PRR14L: variants seen among roughly 807,000 people sequenced by gnomAD.
PRR14L encodes the protein protein PRR14L.
A neutral mutation model predicts 155.0 loss-of-function variants in PRR14L; 80 were observed. That is an observed-to-expected ratio of 0.52 (90% CI 0.43 to 0.62). The LOEUF (loss-of-function observed/expected upper bound fraction) is 0.62, where lower values mean the gene tolerates loss of function less well. PRR14L is among the 20% of genes least tolerant of loss of function. The pLI, the probability that PRR14L is intolerant of heterozygous loss-of-function variation, is 0.00. For synonymous variants in PRR14L, 883 were observed against 916.0 expected (o/e 0.96, Z 0.65); for missense variants, 2,469 against 2,548.0 (o/e 0.97, Z 0.67).
chr22:31,698,057 A>ATTT (rs747410499), intron 7 of PRR14L, among the ~76,000 whole-genome samples: 1 of 99,998 alleles, frequency 1.0e-5, no homozygotes, highest in Non-Finnish European at 2.3e-5. Flanking sequence ...AGATGTTGTA[A>ATTT]TTCTTTTTTT....
At chr22:31,719,084 GAACAA>G (rs201421603) in intron 3 of PRR14L, among the ~76,000 whole-genome samples, 86 of 151,296 alleles carry the variant, frequency 5.7e-4, no homozygotes, top group Middle Eastern at 3.4e-3. Flanking sequence ...AAAAAACAAA[GAACAA>G]AACAAAACAA....
At chr22:31,702,211 C>CTTG (rs200532868) in intron 6 of PRR14L, among the ~76,000 whole-genome samples, 1 of 132,328 alleles carries the variant, frequency 7.6e-6, no homozygotes, top group Non-Finnish European at 1.6e-5. Context: ...CACTTCTATT[C>CTTG]CTGCTTTTTT....
chr22:31,731,889 C>T (rs1033808327), intron 2 of PRR14L, among the ~76,000 whole-genome samples: 1 of 152,114 alleles, frequency 6.6e-6, no homozygotes, highest in Non-Finnish European at 1.5e-5. Context: ...TTTTGTTATT[C>T]ATTTGTAATA....
chr22:31,715,141 C>A lies in PRR14L; in HGVS notation c.2698G>T (p.Glu900Ter). The change falls in exon 4 of 9, where the codon GAG becomes TAG. Residue 900 changes from glutamate to a stop codon, truncating the protein, a stop_gained. Transcript: ENST00000327423. LOFTEE classifies it high-confidence loss of function. ...IHTSSSIKLS[E>*]EGLEGKEQDV... ...TGCTCCTTTCCTTCCAGCCCTTCCT[C>A]ACTGAGTTTGATGCTACTGGAGGTG... is the stretch of plus-strand genomic sequence containing the variant. 1 of 1,551,978 alleles carries A rather than the reference C, an allele frequency of 6.4e-7. No homozygotes were observed. The highest frequency in any genetic ancestry group is 8.7e-7 in the Non-Finnish European group (1 of 1,147,020).
At chr22:31,691,017 G>A (rs1321445287) in intron 7 of PRR14L, among the ~76,000 whole-genome samples, 8 of 150,152 alleles carry the variant, frequency 5.3e-5, no homozygotes, top group Non-Finnish European at 1.0e-4. Flanking sequence ...AGGCTGGAGT[G>A]CAGTGGTGTG....
At chr22:31,708,152 G>GAA (rs200120910) in intron 4 of PRR14L, among the ~76,000 whole-genome samples, 3 of 148,684 alleles carry the variant, frequency 2.0e-5, no homozygotes, top group South Asian at 2.1e-4. Flanking sequence ...TCCATCTCAG[G>GAA]AAAAAAAAAC....
intron 3 of PRR14L, among the ~76,000 whole-genome samples, chr22:31,723,881 A>C (rs2074703488): frequency 6.6e-6 from 1 of 152,214 alleles, no homozygotes; most frequent in South Asian, 2.1e-4. Context: ...TGGGCCATGG[A>C]CCAGTACCCA....
At position 31,687,107 on chromosome 22, in the gene PRR14L, G is replaced by A. The variant is rs569492986; in HGVS notation, c.6179+1049C>T. On this transcript the variant is annotated intron_variant, in intron 8 of 8. Coordinates refer to ENST00000327423, the MANE Select transcript of PRR14L (RefSeq NM_173566.3). ...GGCTGGAGTGCAATGGCGCGATCTC[G>A]GCTCACTGCAACCTCCACCCCCCGG... Among the ~76,000 whole-genome samples the A allele has an allele frequency of 1.5e-3, 228 of 150,118 alleles. 1 individual carries two copies. The highest frequency in any genetic ancestry group is 5.3e-3 in the African/African-American group (218 of 40,790).
intron 7 of PRR14L, among the ~76,000 whole-genome samples, chr22:31,695,858 T>A (rs1449320184): frequency 6.6e-6 from 1 of 152,164 alleles, no homozygotes; most frequent in Non-Finnish European, 1.5e-5. Flanking sequence ...AACCCGAGTG[T>A]ACCCTTCAGG....
At position 31,704,696 on chromosome 22, in the gene PRR14L, TG is replaced by T; in HGVS notation, c.5786del (p.Pro1929GlnfsTer30). Reference protein sequence around the residue: ...SHTMLPYVPLPGMEATYNTSG... With the variant: ...SHTMLPYVPLXGMEATYNTSG... The stretch of plus-strand genomic sequence containing the variant: ...TGGTGTTATATGTAGCTTCCATGCC[TG>T]GAAGAGGCACATATGGTAACATGGT... On this transcript the variant is annotated frameshift_variant, in exon 5 of 9. Transcript: ENST00000327423. LOFTEE classifies it high-confidence loss of function. The T allele has an allele frequency of 6.2e-7, 1 of 1,613,998 alleles. No homozygotes were observed. The highest frequency in any genetic ancestry group is 8.5e-7 in the Non-Finnish European group (1 of 1,179,922).
intron 1 of PRR14L, among the ~76,000 whole-genome samples, chr22:31,740,371 C>T (rs751762429): frequency 1.3e-5 from 2 of 152,158 alleles, no homozygotes; most frequent in Non-Finnish European, 1.5e-5. Context: ...AGGCGTGTGC[C>T]ACCACGCCCA....
chr22:31,704,904 A>C lies in PRR14L; in HGVS notation c.5757-178T>G, dbSNP rs887322497. Among the ~76,000 whole-genome samples, 7 of 152,322 alleles carry C rather than the reference A, an allele frequency of 4.6e-5. No individual in the cohort carries two copies. The South Asian group carries it at 1.0e-3, about 23-fold the overall frequency. On this transcript the variant is annotated intron_variant, in intron 4 of 8. Transcript: ENST00000327423. ...TTATATTTATGTGCCCATCACTGGA[A>C]TGGAGGCAGACTGACAGGAAGATTA...
At chr22:31,702,991 T>G (rs2074570310) in intron 6 of PRR14L, among the ~76,000 whole-genome samples, 2 of 151,506 alleles carry the variant, frequency 1.3e-5, no homozygotes, top group African/African-American at 4.9e-5. Context: ...CATTTTTGTC[T>G]TTTTTGTAGA....
intron 2 of PRR14L, among the ~76,000 whole-genome samples, chr22:31,737,722 G>A (rs1459156167): frequency 1.3e-5 from 2 of 151,814 alleles, no homozygotes; most frequent in South Asian, 2.1e-4. Flanking sequence ...ATAATTTCAA[G>A]CACACATCGG....
intron 7 of PRR14L, among the ~76,000 whole-genome samples, chr22:31,689,001 G>C (rs2074497528): frequency 6.6e-6 from 1 of 151,910 alleles, no homozygotes; most frequent in African/African-American, 2.4e-5. Context: ...CCATATGCTT[G>C]CTTTTTTCCT....
At chr22:31,737,790 A>G (rs1437332239) in intron 2 of PRR14L, among the ~76,000 whole-genome samples, 1 of 152,024 alleles carries the variant, frequency 6.6e-6, no homozygotes, top group Non-Finnish European at 1.5e-5. Context: ...AGGTGGGTGG[A>G]TTACTTGAAG....
At chr22:31,728,441 T>C (rs989352622) in intron 2 of PRR14L, among the ~76,000 whole-genome samples, 2 of 151,776 alleles carry the variant, frequency 1.3e-5, no homozygotes, top group Admixed American at 6.6e-5. Flanking sequence ...GGAGAAACCC[T>C]GTCTCTACTA....
chr22:31,734,739 G>A (rs1184712358), intron 2 of PRR14L, among the ~76,000 whole-genome samples: 1 of 152,016 alleles, frequency 6.6e-6, no homozygotes, highest in Non-Finnish European at 1.5e-5. Flanking sequence ...TTCAGGTTGT[G>A]TCATTAGTGT....
chr22:31,747,617 C>T (rs2074846263), intron 1 of PRR14L, among the ~76,000 whole-genome samples: 1 of 151,756 alleles, frequency 6.6e-6, no homozygotes, highest in Admixed American at 6.6e-5. Context: ...AATAACTTTT[C>T]TATTTCCCTT....
Sources: allele counts gnomAD v4.1 joint callset (sites outside exome capture counted in the v4.1 genomes callset), GRCh38; gene constraint gnomAD v4.1.1; transcripts MANE v1.5; gene names NCBI Gene and HGNC (gene_info 2026-07-23, HGNC 2026-07-21).